The following PDSS2 variants were observed in gnomAD, a reference collection of about 807,000 sequenced individuals.
The protein encoded by PDSS2 is decaprenyl diphosphate synthase subunit 2, also known as all trans-polyprenyl-diphosphate synthase PDSS2.
A neutral mutation model predicts 44.5 loss-of-function variants in PDSS2; 31 were observed. The observed-to-expected ratio is 0.70, with a 90% CI of 0.52 to 0.94. PDSS2 has a LOEUF of 0.94. Ranked by LOEUF, PDSS2 falls within the 40% of genes least tolerant of loss-of-function variation. PDSS2 has a pLI of 0.00. For synonymous variants in PDSS2, 157 were observed against 180.3 expected (o/e 0.87, Z 1.03); for missense variants, 452 against 482.2 (o/e 0.94, Z 0.59).
chr6:107,442,355 C>T (rs1166293326), intron 1 of PDSS2, among the ~76,000 whole-genome samples: 2 of 151,952 alleles, frequency 1.3e-5, no homozygotes, highest in Admixed American at 6.6e-5. Context: ...AGGCAGAGGT[C>T]GCACTGAGCT....
At chr6:107,197,100 GC>G (rs1314592867) in intron 6 of PDSS2, among the ~76,000 whole-genome samples, 2 of 152,100 alleles carry the variant, frequency 1.3e-5, no homozygotes, top group Non-Finnish European at 2.9e-5. Flanking sequence ...AATTCACATA[GC>G]TGTGAAAAAG....
At chr6:107,284,937 G>A (rs2114992876) in intron 2 of PDSS2, among the ~76,000 whole-genome samples, 1 of 152,236 alleles carries the variant, frequency 6.6e-6, no homozygotes, top group Middle Eastern at 3.4e-3. Context: ...ACTCACAACA[G>A]CTCTCTGAGG....
At chr6:107,321,419 AAC>A (rs758871680) in intron 2 of PDSS2, among the ~76,000 whole-genome samples, 254 of 152,332 alleles carry the variant, frequency 1.7e-3, no homozygotes, top group Non-Finnish European at 2.9e-3. Flanking sequence ...GTATTTACAA[AAC>A]AGTCATTACA....
chr6:107,298,238 G>T (rs1776574228), intron 2 of PDSS2, among the ~76,000 whole-genome samples: 1 of 152,168 alleles, frequency 6.6e-6, no homozygotes, highest in African/African-American at 2.4e-5. Context: ...AACACATATA[G>T]TTGGCCATTG....
chr6:107,256,133 GGT>G (rs1402335083), intron 3 of PDSS2, among the ~76,000 whole-genome samples: 18 of 152,128 alleles, frequency 1.2e-4, no homozygotes, highest in South Asian at 4.1e-4. Flanking sequence ...TGGGGCTACA[GGT>G]GCATGCCACC....
rs1770812709 is a variant in PDSS2 at position 107,154,517 on chromosome 6, C to A, written c.*102G>T. The A allele has an allele frequency of 2.8e-6, 3 of 1,053,308 alleles. No homozygotes were observed. Among genetic ancestry groups the A allele is most frequent in the Non-Finnish European group, 4.4e-6 (3 of 682,956 alleles). 65.2% of individuals were successfully genotyped at this position (1,053,308 alleles called of 1,614,324 possible). A position where few individuals can be genotyped will look rare whatever the true frequency, so the allele number is the denominator to read the frequency against. ...AATGTGATAAAAGGAAGGAAAAATG[C>A]ATATGTTTTAAAAGTCATTAACGCA... On this transcript the variant is annotated 3_prime_UTR_variant, in exon 8 of 8. Transcript: ENST00000369037.
chr6:107,300,873 G>T (rs936392861), intron 2 of PDSS2, among the ~76,000 whole-genome samples: 1 of 152,066 alleles, frequency 6.6e-6, no homozygotes, highest in Non-Finnish European at 1.5e-5. Flanking sequence ...GTGGGCATAG[G>T]CATATCATTT....
chr6:107,155,227 C>A (rs1395457325), intron 7 of PDSS2, among the ~76,000 whole-genome samples: 1 of 151,440 alleles, frequency 6.6e-6, no homozygotes, highest in Non-Finnish European at 1.5e-5. Flanking sequence ...CTCACTGCAA[C>A]CTCCGCCTCC....
At chr6:107,274,855 T>G (rs1357087423) in intron 2 of PDSS2, among the ~76,000 whole-genome samples, 1 of 151,894 alleles carries the variant, frequency 6.6e-6, no homozygotes, top group African/African-American at 2.4e-5. Flanking sequence ...GTATTTTTGG[T>G]AGAGATGGGG....
chr6:107,198,392 A>C (rs187634703), intron 6 of PDSS2, among the ~76,000 whole-genome samples: 1 of 152,318 alleles, frequency 6.6e-6, no homozygotes, highest in Non-Finnish European at 1.5e-5. Context: ...ACATGCAACT[A>C]TTGATATGTG....
intron 1 of PDSS2, among the ~76,000 whole-genome samples, chr6:107,338,506 T>C (rs1777977782): frequency 6.6e-6 from 1 of 152,168 alleles, no homozygotes; most frequent in South Asian, 2.1e-4. Flanking sequence ...TCCCTTCTTG[T>C]GTATAGTAGT....
In PDSS2 at chr6:107,212,185, A is replaced by G. The variant is rs1207539530; in HGVS notation, c.800T>C (p.Met267Thr). Residue 267 changes from methionine to threonine, a missense_variant, in exon 5 of 8, where the codon ATG (methionine) becomes ACG (threonine). Transcript: ENST00000369037. ...ALLAKSCQAA[M>T]ELAKHDAEVQ... ...CTCAGCATCATGCTTTGCTAATTCC[A>G]TTGCAGCTTGGCAGCTCTTTGCTAG... is the stretch of plus-strand genomic sequence containing the variant. 1.2e-6 allele frequency: 2 copies of G among 1,613,818 alleles called. No individual in the cohort carries two copies. The highest frequency in any genetic ancestry group is 1.7e-6 in the Non-Finnish European group (2 of 1,179,836).
In PDSS2 at chr6:107,432,425, T is replaced by C. The variant is rs9320213; in HGVS notation, c.296+26565A>G. ...GATATTTCTCAATACATGCATACAA[T>C]GTGCAATGATCAAGTCAGTGTAATT... On this transcript the variant is annotated intron_variant, in intron 1 of 7. Coordinates refer to ENST00000369037, the MANE Select transcript of PDSS2 (RefSeq NM_020381.4). 7.8e-3 allele frequency among the ~76,000 whole-genome samples: 1,196 copies of C among 152,368 alleles called. 21 individuals carry two copies. The highest frequency in any genetic ancestry group is 0.025 in the African/African-American group (1,059 of 41,580).
chr6:107,374,799 T>C (rs1401039430), intron 1 of PDSS2, among the ~76,000 whole-genome samples: 1 of 152,230 alleles, frequency 6.6e-6, no homozygotes, highest in Non-Finnish European at 1.5e-5. Flanking sequence ...GTATCTCAGG[T>C]TCCTGAGGTG....
chr6:107,172,949 C>T (rs1255525721), intron 7 of PDSS2, among the ~76,000 whole-genome samples: 2 of 151,712 alleles, frequency 1.3e-5, no homozygotes, highest in African/African-American at 4.8e-5. Flanking sequence ...CATGGTGAAA[C>T]CCCTTCCCTA....
chr6:107,450,918 A>G (rs1208154639), intron 1 of PDSS2, among the ~76,000 whole-genome samples: 1 of 152,176 alleles, frequency 6.6e-6, no homozygotes, highest in Non-Finnish European at 1.5e-5. Flanking sequence ...GCAGCCTCCA[A>G]CTTCCGCGCT....
At chr6:107,333,466 A>C (rs1443619951) in intron 2 of PDSS2, among the ~76,000 whole-genome samples, 1 of 152,204 alleles carries the variant, frequency 6.6e-6, no homozygotes, top group Non-Finnish European at 1.5e-5. Flanking sequence ...TAATCCAATA[A>C]CCAGTAAAAA....
chr6:107,398,297 T>C (rs1283253717), intron 1 of PDSS2, among the ~76,000 whole-genome samples: 1 of 152,176 alleles, frequency 6.6e-6, no homozygotes, highest in Non-Finnish European at 1.5e-5. Context: ...GACAGTAAAG[T>C]GTTACAAAAT....
intron 2 of PDSS2, among the ~76,000 whole-genome samples, chr6:107,287,905 G>A (rs958162857): frequency 1.3e-5 from 2 of 152,130 alleles, no homozygotes; most frequent in Admixed American, 1.3e-4. Context: ...TGAGGTGGGA[G>A]GATAGCTTGA....
Sources: allele counts gnomAD v4.1 joint callset (sites outside exome capture counted in the v4.1 genomes callset), GRCh38; gene constraint gnomAD v4.1.1; transcripts MANE v1.5; gene names NCBI Gene and HGNC (gene_info 2026-07-23, HGNC 2026-07-21).